OPCML: variants seen among roughly 807,000 people sequenced by gnomAD.
OPCML encodes the protein opioid binding protein/cell adhesion molecule like.
In OPCML, 13 loss-of-function variants were observed where a neutral mutation model predicts 37.8. The observed-to-expected ratio is 0.34, with a 90% CI of 0.22 to 0.55. The LOEUF (loss-of-function observed/expected upper bound fraction) is 0.55. Among genes scored for constraint, OPCML ranks in the 20% least tolerant of loss-of-function variants. OPCML has a pLI of 0.91. For missense variants in OPCML, 341 were observed against 435.6 expected, an observed-to-expected ratio of 0.78 and a Z score of 1.93; for synonymous variants, 176 against 168.8, an observed-to-expected ratio of 1.04 and a Z score of -0.33.
chr11:132,620,535 A>G (rs1030568514), intron 3 of OPCML, among the ~76,000 whole-genome samples: 1 of 152,192 alleles, frequency 6.6e-6, no homozygotes, highest in African/African-American at 2.4e-5. Context: ...TCAGGAAGGG[A>G]AAAACAGGAA....
At chr11:132,963,424 G>C (rs1042995085) in intron 1 of OPCML, among the ~76,000 whole-genome samples, 4 of 151,614 alleles carry the variant, frequency 2.6e-5, no homozygotes, top group African/African-American at 9.7e-5. Flanking sequence ...ACCCCGTCTC[G>C]ACTAAAAAAT....
At chr11:132,831,964 C>G (rs2136280182) in intron 2 of OPCML, among the ~76,000 whole-genome samples, 1 of 151,984 alleles carries the variant, frequency 6.6e-6, no homozygotes, top group Middle Eastern at 3.4e-3. Context: ...CTCCAGCAAC[C>G]TCTTACCCTC....
At chr11:133,004,479 C>T (rs1242731385) in intron 1 of OPCML, 2 of 985,320 alleles carry the variant, frequency 2.0e-6, no homozygotes, top group African/African-American at 3.5e-5. Context: ...GGAGGGGACA[C>T]AGAGGCCAGT....
At chr11:133,305,469 C>T (rs1565561242) in intron 1 of OPCML, among the ~76,000 whole-genome samples, 1 of 152,232 alleles carries the variant, frequency 6.6e-6, no homozygotes, top group East Asian at 1.9e-4. Context: ...GGAAGTCTGA[C>T]TGTGAGAATT....
At chr11:132,436,530 A>C in intron 6 of OPCML, 129 bp downstream of exon 6, 1 of 1,467,770 alleles carries the variant, frequency 6.8e-7, no homozygotes, top group Non-Finnish European at 9.1e-7. Context: ...AGACTTTGTT[A>C]CAAAAGAGGG....
In OPCML at chr11:132,697,550, G is replaced by A. The variant is rs139167288; in HGVS notation, c.147-40231C>T. 3.4e-3 allele frequency among the ~76,000 whole-genome samples: 523 copies of A among 152,104 alleles called. 4 individuals are homozygous for A. The highest frequency in any genetic ancestry group is 0.027 in the Middle Eastern group (8 of 294). On this transcript the variant is annotated intron_variant, in intron 2 of 7. Coordinates refer to ENST00000524381, the MANE Select transcript of OPCML (RefSeq NM_001012393.5). Reference sequence around the variant, plus strand: ...TGCAAAATTTTGTCTTCCTATGCCCGCTTTGTTTTACTTGGAATAATGCCC... The same window carrying A: ...TGCAAAATTTTGTCTTCCTATGCCCACTTTGTTTTACTTGGAATAATGCCC...
intron 1 of OPCML, among the ~76,000 whole-genome samples, chr11:133,282,585 C>T (rs989535672): frequency 1.3e-5 from 2 of 152,156 alleles, no homozygotes; most frequent in Non-Finnish European, 2.9e-5. Flanking sequence ...GGGGATGAAG[C>T]CCCCATGCAG....
At chr11:132,809,877 A>C (rs990801640) in intron 2 of OPCML, among the ~76,000 whole-genome samples, 3 of 151,816 alleles carry the variant, frequency 2.0e-5, no homozygotes, top group African/African-American at 7.3e-5. Flanking sequence ...TTGAGACGGT[A>C]TCTTGCTCTG....
intron 1 of OPCML, among the ~76,000 whole-genome samples, chr11:133,136,708 T>A (rs564025487): frequency 6.6e-6 from 1 of 152,062 alleles, no homozygotes; most frequent in African/African-American, 2.4e-5. Context: ...AGTGAGCAGG[T>A]GGAGCAAGAA....
chr11:133,348,604 G>C (rs1565585518), intron 1 of OPCML, among the ~76,000 whole-genome samples: 1 of 152,138 alleles, frequency 6.6e-6, no homozygotes, highest in Non-Finnish European at 1.5e-5. Context: ...GGGGACTTTG[G>C]CACAAAGCTC....
At chr11:133,518,407 G>A (rs1948329819) in intron 1 of OPCML, among the ~76,000 whole-genome samples, 1 of 152,022 alleles carries the variant, frequency 6.6e-6, no homozygotes, top group East Asian at 1.9e-4. Flanking sequence ...GTGTGCATAG[G>A]GATGTGCATG....
chr11:133,004,408 A>T lies in OPCML; in HGVS notation c.62-61398T>A, dbSNP rs1266178837. The T allele has an allele frequency of 3.0e-6, 3 of 985,362 alleles. No individual in the cohort carries two copies. The Admixed American group carries it at 1.8e-4, about 61-fold the overall frequency. 61.0% of individuals were successfully genotyped at this position (985,362 alleles called of 1,614,324 possible). ...AGAGGAAGTTGGAATCGTGTCTATC[A>T]TCTGGCAATTGACAGCCAAGTCCCA... On this transcript the variant is annotated intron_variant, in intron 1 of 7. Transcript: ENST00000524381.
chr11:133,292,842 C>T (rs1165884871), intron 1 of OPCML, among the ~76,000 whole-genome samples: 1 of 152,160 alleles, frequency 6.6e-6, no homozygotes, highest in Non-Finnish European at 1.5e-5. Flanking sequence ...CTTGTGGCTC[C>T]TCATCATGAT....
intron 1 of OPCML, among the ~76,000 whole-genome samples, chr11:133,215,714 C>A (rs1288477535): frequency 6.6e-6 from 1 of 152,124 alleles, no homozygotes; most frequent in Non-Finnish European, 1.5e-5. Flanking sequence ...GAACCCAGGT[C>A]ACACTGACCT....
In OPCML at chr11:133,106,578, G is replaced by A. The variant is rs181793033; in HGVS notation, c.62-163568C>T. 5.3e-5 allele frequency among the ~76,000 whole-genome samples: 8 copies of A among 152,278 alleles called. 1 individual carries two copies. Among genetic ancestry groups the A allele is most frequent in the Admixed American group, 2.0e-4 (3 of 15,290 alleles). The stretch of plus-strand genomic sequence containing the variant: ...GGGGCTGCAGTGCTTATAGCAATGT[G>A]CTACATCCAGATGGCAAATGGGATG... On this transcript the variant is annotated intron_variant, in intron 1 of 7. Coordinates refer to ENST00000524381, the MANE Select transcript of OPCML (RefSeq NM_001012393.5).
At chr11:132,524,005 T>G (rs1202075156) in intron 4 of OPCML, among the ~76,000 whole-genome samples, 1 of 152,184 alleles carries the variant, frequency 6.6e-6, no homozygotes, top group Non-Finnish European at 1.5e-5. Flanking sequence ...CCTTTGTTAT[T>G]TTTCCCAAAC....
chr11:132,456,380 G>A (rs2096082861), intron 4 of OPCML, among the ~76,000 whole-genome samples: 1 of 152,190 alleles, frequency 6.6e-6, no homozygotes, highest in Admixed American at 6.5e-5. Flanking sequence ...GGCAGGAGAG[G>A]TCACACCGGG....
At chr11:133,337,407 C>T (rs2136662283) in intron 1 of OPCML, among the ~76,000 whole-genome samples, 1 of 152,294 alleles carries the variant, frequency 6.6e-6, no homozygotes, top group East Asian at 1.9e-4. Context: ...CGCCCAGTTG[C>T]CTGGGGAACC....
At chr11:133,356,535 A>T (rs1261610466) in intron 1 of OPCML, among the ~76,000 whole-genome samples, 1 of 152,222 alleles carries the variant, frequency 6.6e-6, no homozygotes, top group Admixed American at 6.5e-5. Context: ...AGAGGATCCC[A>T]TCAGCTCTTC....
Sources: gnomAD v4.1 joint callset for allele counts (sites outside exome capture counted in the v4.1 genomes callset) on GRCh38, gnomAD v4.1.1 for gene constraint, MANE v1.5 for transcripts, NCBI Gene and HGNC (gene_info 2026-07-23, HGNC 2026-07-21) for gene names.